SNTG1: variants seen among roughly 807,000 people sequenced by gnomAD.
SNTG1 encodes syntrophin gamma 1.
In SNTG1, 39 loss-of-function variants were observed where a neutral mutation model predicts 74.7. The observed-to-expected ratio is 0.52, with a 90% CI of 0.40 to 0.68. The LOEUF (loss-of-function observed/expected upper bound fraction) is 0.68. Among genes scored for constraint, SNTG1 ranks in the 30% least tolerant of loss-of-function variants. The pLI, the probability that SNTG1 is intolerant of heterozygous loss-of-function variation, is 0.00. For synonymous variants in SNTG1, 254 were observed against 217.1 expected (o/e 1.17, Z -1.49); for missense variants, 685 against 609.5 (o/e 1.12, Z -1.30).
At position 50,462,415 on chromosome 8, in the gene SNTG1, C is replaced by G. The variant is rs1009194395; in HGVS notation, c.363+11686C>G. On this transcript the variant is annotated intron_variant, in intron 8 of 18. Transcript: ENST00000642720. ...ATAGAGTTTGCCTCAATGTTGATGA[C>G]TACTGACTGATTAGAGTAGTGGTTA... Among the ~76,000 whole-genome samples the G allele has an allele frequency of 4.8e-4, 65 of 136,722 alleles. 1 individual carries two copies. The highest frequency in any genetic ancestry group is 1.6e-3 in the African/African-American group (63 of 39,796). 89.7% of individuals were successfully genotyped at this position (136,722 alleles called of 152,430 possible). A position where few individuals can be genotyped will look rare whatever the true frequency, so the allele number is the denominator to read the frequency against.
chr8:50,435,737 T>A (rs1462917390), intron 4 of SNTG1, among the ~76,000 whole-genome samples: 1 of 152,210 alleles, frequency 6.6e-6, no homozygotes, highest in Non-Finnish European at 1.5e-5. Flanking sequence ...CTGGCTATAA[T>A]TTGCATGTTG....
chr8:50,313,904 G>A lies in SNTG1; in HGVS notation c.-27-80308G>A, dbSNP rs759613135. Among the ~76,000 whole-genome samples the A allele has an allele frequency of 2.8e-4, 42 of 149,830 alleles. 1 individual carries two copies. Among genetic ancestry groups the A allele is most frequent in the Non-Finnish European group, 6.2e-4 (42 of 67,934 alleles). On this transcript the variant is annotated intron_variant, in intron 2 of 18. Coordinates refer to ENST00000642720, the MANE Select transcript of SNTG1 (RefSeq NM_018967.5). ...CTCAAATACTTCAGTGTGCATATCT[G>A]AAATACAAGGATTGTTTTTCTACAT...
intron 13 of SNTG1, among the ~76,000 whole-genome samples, chr8:50,649,991 T>C (rs1380822955): frequency 6.6e-6 from 1 of 151,954 alleles, no homozygotes; most frequent in Non-Finnish European, 1.5e-5. Context: ...AATTTCTTTT[T>C]TTTTTCTCAG....
intron 2 of SNTG1, among the ~76,000 whole-genome samples, chr8:50,360,317 C>A (rs538823152): frequency 6.6e-6 from 1 of 152,238 alleles, no homozygotes; most frequent in South Asian, 2.1e-4. Context: ...GATTGCTCAG[C>A]ATGTATTGAT....
chr8:50,455,259 T>C (rs1420321002), intron 8 of SNTG1, among the ~76,000 whole-genome samples: 5 of 152,232 alleles, frequency 3.3e-5, no homozygotes, highest in Admixed American at 3.3e-4. Context: ...CAAAGCAAGA[T>C]GGATGCATAG....
chr8:50,499,750 T>A (rs1281729102), intron 8 of SNTG1, among the ~76,000 whole-genome samples: 1 of 151,938 alleles, frequency 6.6e-6, no homozygotes, highest in Non-Finnish European at 1.5e-5. Context: ...AGATATGAAT[T>A]TTGAATATTG....
chr8:50,497,768 C>G (rs1173229869), intron 8 of SNTG1, among the ~76,000 whole-genome samples: 1 of 151,994 alleles, frequency 6.6e-6, no homozygotes, highest in Non-Finnish European at 1.5e-5. Flanking sequence ...TCTGCCTCTT[C>G]TCTTCTCCCC....
chr8:50,582,784 T>G (rs561996669), intron 12 of SNTG1, among the ~76,000 whole-genome samples: 1 of 152,308 alleles, frequency 6.6e-6, no homozygotes, highest in African/African-American at 2.4e-5. Context: ...AAGAAAATAC[T>G]ACACAAAAGT....
chr8:50,772,108 G>A (rs112355805), intron 18 of SNTG1, among the ~76,000 whole-genome samples: 121 of 152,126 alleles, frequency 8.0e-4, no homozygotes, highest in African/African-American at 2.6e-3. Context: ...ACAATGCCTA[G>A]GTGAGCTACT....
At chr8:50,201,549 GC>G (rs2083987336) in intron 2 of SNTG1, among the ~76,000 whole-genome samples, 1 of 151,868 alleles carries the variant, frequency 6.6e-6, no homozygotes, top group Non-Finnish European at 1.5e-5. Flanking sequence ...CCTTTCTAGC[GC>G]TGCGTGACAC....
intron 1 of SNTG1, among the ~76,000 whole-genome samples, chr8:49,994,878 A>G (rs775969166): frequency 6.6e-6 from 1 of 152,162 alleles, no homozygotes; most frequent in Non-Finnish European, 1.5e-5. Context: ...ATCATCCCAG[A>G]TCTTAAAATG....
intron 8 of SNTG1, among the ~76,000 whole-genome samples, chr8:50,500,104 A>G (rs911764242): frequency 6.6e-6 from 1 of 152,054 alleles, no homozygotes; most frequent in African/African-American, 2.4e-5. Context: ...TCTGTCATCC[A>G]ATTGGAGAAA....
At position 50,634,080 on chromosome 8, in the gene SNTG1, G is replaced by A. The variant is rs550824977; in HGVS notation, c.850-22829G>A. On this transcript the variant is annotated intron_variant, in intron 13 of 18. Transcript: ENST00000642720. ...GCCTAGCAGTGTCCACTGGGCTGCC[G>A]CAGCTGTCCAGCCTCAGCACCCACC... 7.2e-5 allele frequency among the ~76,000 whole-genome samples: 11 copies of A among 152,296 alleles called. No homozygotes were observed. The South Asian group carries it at 1.0e-3, about 14-fold the overall frequency.
intron 12 of SNTG1, among the ~76,000 whole-genome samples, chr8:50,570,247 T>TATTTTATTTTATTTTATTTTATTAC (rs71235306): frequency 2.7e-5 from 1 of 37,390 alleles, no homozygotes; most frequent in East Asian, 1.4e-3. Context: ...TTTTATTTTA[T>TATTTTATTTTATTTTATTTTATTAC]TTTATTTTAT....
intron 4 of SNTG1, among the ~76,000 whole-genome samples, chr8:50,406,060 G>A (rs912890633): frequency 6.6e-6 from 1 of 152,122 alleles, no homozygotes; most frequent in Middle Eastern, 3.4e-3. Context: ...ATTTTGGAAT[G>A]AATTTTTCTA....
intron 1 of SNTG1, among the ~76,000 whole-genome samples, chr8:49,928,692 A>G (rs1239279388): frequency 6.6e-6 from 1 of 152,110 alleles, no homozygotes; most frequent in Non-Finnish European, 1.5e-5. Context: ...AAAATAGTAT[A>G]TTTAATTTTT....
chr8:50,405,726 T>C (rs1160983793), intron 4 of SNTG1, among the ~76,000 whole-genome samples: 1 of 152,112 alleles, frequency 6.6e-6, no homozygotes, highest in African/African-American at 2.4e-5. Context: ...AAATTCAGTG[T>C]CATGAATCTT....
At chr8:50,299,971 A>G (rs891698499) in intron 2 of SNTG1, among the ~76,000 whole-genome samples, 1 of 152,204 alleles carries the variant, frequency 6.6e-6, no homozygotes, top group African/African-American at 2.4e-5. Context: ...AAATTAATTC[A>G]TATAGAACAG....
intron 1 of SNTG1, among the ~76,000 whole-genome samples, chr8:49,927,560 TA>T (rs1406312647): frequency 6.6e-6 from 1 of 152,184 alleles, no homozygotes; most frequent in Admixed American, 6.5e-5. Context: ...TGAAAGAAGC[TA>T]ACCTAGAAAG....
Sources: gnomAD v4.1 joint callset for allele counts (sites outside exome capture counted in the v4.1 genomes callset) on GRCh38, gnomAD v4.1.1 for gene constraint, MANE v1.5 for transcripts, NCBI Gene and HGNC (gene_info 2026-07-23, HGNC 2026-07-21) for gene names.